The following HM13 variants were observed in gnomAD, a reference collection of about 807,000 sequenced individuals.
HM13 encodes the protein signal peptide peptidase.
Under a neutral mutation model 50.0 loss-of-function variants are expected in HM13, and 18 were observed. That is an observed-to-expected ratio of 0.36 (90% CI 0.25 to 0.53). HM13 has a LOEUF of 0.53. HM13 is among the 20% of genes least tolerant of loss of function. HM13 has a pLI of 0.90. For missense variants in HM13, 393 were observed against 552.4 expected, an observed-to-expected ratio of 0.71 and a Z score of 2.89; for synonymous variants, 197 against 232.6, an observed-to-expected ratio of 0.85 and a Z score of 1.39.
At chr20:31,532,667 G>C (rs1264498505) in intron 2 of HM13, among the ~76,000 whole-genome samples, 1 of 152,198 alleles carries the variant, frequency 6.6e-6, no homozygotes, top group Non-Finnish European at 1.5e-5. Context: ...GTGTGTATGA[G>C]TGGGAATTGC....
At chr20:31,515,758 C>T (rs937219638) in intron 1 of HM13, among the ~76,000 whole-genome samples, 6 of 152,156 alleles carry the variant, frequency 3.9e-5, no homozygotes, top group African/African-American at 1.4e-4. Context: ...TATATTAAGC[C>T]CTTTCTAGCC....
intron 1 of HM13, among the ~76,000 whole-genome samples, chr20:31,516,863 T>C (rs2122526121): frequency 6.6e-6 from 1 of 152,334 alleles, no homozygotes; most frequent in South Asian, 2.1e-4. Flanking sequence ...TTGACGCCCT[T>C]TGATGCTCAC....
intron 3 of HM13, chr20:31,539,443 A>G: frequency 1.0e-6 from 1 of 985,504 alleles, no homozygotes; most frequent in Non-Finnish European, 1.2e-6. Flanking sequence ...GGGAGAGGTC[A>G]GGTGCTAGAA....
At chr20:31,567,883 T>A (rs1472852676) in intron 11 of HM13, 195 bp from the exon 12 acceptor site, 3 of 565,812 alleles carry the variant, frequency 5.3e-6, no homozygotes, top group Non-Finnish European at 9.3e-6. Context: ...TGGCCTGATG[T>A]GCCTTTGTCT....
chr20:31,535,327 GA>G (rs1247404855), intron 2 of HM13: 1 of 152,204 alleles, frequency 6.6e-6, no homozygotes, highest in African/African-American at 2.4e-5. Flanking sequence ...AGAAGAAATA[GA>G]GTTAAAGGAG....
chr20:31,526,144 A>G (rs1415352873), intron 1 of HM13, among the ~76,000 whole-genome samples: 2 of 149,358 alleles, frequency 1.3e-5, no homozygotes, highest in East Asian at 3.9e-4. Context: ...ACAAAAAAGA[A>G]AGTTCGTCAT....
At chr20:31,550,973 G>C (rs938949216) in intron 7 of HM13, among the ~76,000 whole-genome samples, 10 of 152,180 alleles carry the variant, frequency 6.6e-5, no homozygotes, top group Non-Finnish European at 1.5e-4. Flanking sequence ...ATGAGGCCCT[G>C]TCTTTAAAAT....
At chr20:31,564,146 A>G (rs1027526247) in intron 10 of HM13, 3 of 152,058 alleles carry the variant, frequency 2.0e-5, no homozygotes, top group Admixed American at 2.0e-4. Context: ...ATGAGCACCC[A>G]TGAAGACGCA....
chr20:31,569,392 T>C lies in HM13; in HGVS notation c.*173T>C, dbSNP rs964121750. On this transcript the variant is annotated 3_prime_UTR_variant, in exon 13 of 13. Transcript: ENST00000398174. ...GGCCTCTGTTTCCTTCTCCCTTTCT[T>C]GGCCCTCCTCTGCTCCTCCCCACAC... The C allele has an allele frequency of 2.0e-6, 1 of 508,136 alleles. No homozygotes were observed. Among genetic ancestry groups the C allele is most frequent in the Non-Finnish European group, 3.6e-6 (1 of 275,448 alleles). The allele number at this position is 508,136 out of a possible 1,614,324, so 31.5% of individuals were successfully genotyped here.
chr20:31,524,457 G>A (rs1471812854), intron 1 of HM13, among the ~76,000 whole-genome samples: 1 of 152,130 alleles, frequency 6.6e-6, no homozygotes, highest in Non-Finnish European at 1.5e-5. Flanking sequence ...AAGGGTATGT[G>A]CATTTGTAAT....
At chr20:31,558,301 T>TC (rs1984426314) in intron 8 of HM13, among the ~76,000 whole-genome samples, 1 of 151,962 alleles carries the variant, frequency 6.6e-6, no homozygotes, top group Non-Finnish European at 1.5e-5. Flanking sequence ...CCCCTCCTCC[T>TC]CCCCCCTCCA....
rs1981652758 is a variant in HM13, at chr20:31,514,631, C to T, written c.80C>T (p.Ser27Phe). ...ACCAACAGCACTACGCGGCCGCCTT[C>T]CACGCCCGAGGGCATCGCGCTGGCC... ...GPTNSTTRPP[S>F]TPEGIALAYG... is the part of the protein sequence containing the mutation. Residue 27 changes from serine to phenylalanine, a missense_variant, in exon 1 of 13, where the codon TCC becomes TTC. By Grantham distance (155) the Ser-to-Phe change is radical (BLOSUM62 -2). This residue lies in a region of HM13 where 214 missense variants were observed against 276.1 expected (regional missense o/e 0.77). Transcript: ENST00000398174. This position sits in a 1 kb window ranked among gnomAD's most constrained non-coding sequence, Gnocchi z 4.3. 4.4e-6 allele frequency: 7 copies of T among 1,584,604 alleles called. No homozygotes were observed. Among genetic ancestry groups the T allele is most frequent in the Non-Finnish European group, 5.1e-6 (6 of 1,167,124 alleles).
intron 1 of HM13, among the ~76,000 whole-genome samples, chr20:31,519,836 A>G (rs958494124): frequency 1.3e-3 from 179 of 142,740 alleles, no homozygotes; most frequent in African/African-American, 4.7e-3. Context: ...GTCGAAGGCT[A>G]TGCACACTTT....
At chr20:31,559,423 G>A (rs900885772) in intron 8 of HM13, among the ~76,000 whole-genome samples, 188 bp from the exon 9 acceptor site, 2 of 152,082 alleles carry the variant, frequency 1.3e-5, no homozygotes, top group Admixed American at 1.3e-4. Context: ...CAAAATCCTG[G>A]GCCCCTCTCA....
At chr20:31,525,798 T>A (rs1419297996) in intron 1 of HM13, among the ~76,000 whole-genome samples, 1 of 152,080 alleles carries the variant, frequency 6.6e-6, no homozygotes, top group Non-Finnish European at 1.5e-5. Context: ...AAAAGAAATT[T>A]ATACCAGTAC....
At chr20:31,552,934 C>T (rs1191881051) in intron 7 of HM13, among the ~76,000 whole-genome samples, 1 of 151,900 alleles carries the variant, frequency 6.6e-6, no homozygotes, top group Non-Finnish European at 1.5e-5. Flanking sequence ...AAGATCACAC[C>T]ACTGCACTCC....
intron 1 of HM13, among the ~76,000 whole-genome samples, chr20:31,520,380 T>G (rs1450061199): frequency 6.6e-6 from 1 of 152,162 alleles, no homozygotes; most frequent in African/African-American, 2.4e-5. Flanking sequence ...CTTGGCTCAC[T>G]GCAACCTCCG....
chr20:31,560,350 ACTT>A (rs965257635), intron 9 of HM13, among the ~76,000 whole-genome samples: 22 of 152,358 alleles, frequency 1.4e-4, no homozygotes, highest in African/African-American at 5.1e-4. Context: ...TGGTTTGTGA[ACTT>A]CTCTTGATTT....
chr20:31,567,949 C>A, intron 11 of HM13, 129 bp from the exon 12 acceptor site: 1 of 788,760 alleles, frequency 1.3e-6, no homozygotes, highest in Non-Finnish European at 2.0e-6. Context: ...TCCATAAAAT[C>A]TGGAAGTGCA....
Sources: allele counts gnomAD v4.1 joint callset (sites outside exome capture counted in the v4.1 genomes callset), GRCh38; gene constraint gnomAD v4.1.1; regional missense constraint gnomAD v4.1.1; non-coding constraint Gnocchi (gnomAD v3.1); transcripts MANE v1.5; gene names NCBI Gene and HGNC (gene_info 2026-07-23, HGNC 2026-07-21).